The following NELL1 variants were observed in gnomAD, a reference collection of about 807,000 sequenced individuals.
NELL1 encodes the protein neural EGFL like 1.
In NELL1, 76 loss-of-function variants were observed where a neutral mutation model predicts 107.4. The ratio of observed to expected loss-of-function variants is 0.71; its 90% CI spans 0.59 to 0.86. The LOEUF (loss-of-function observed/expected upper bound fraction) is 0.86. Among genes scored for constraint, NELL1 ranks in the 40% least tolerant of loss-of-function variants. The pLI, the probability that NELL1 is intolerant of heterozygous loss-of-function variation, is 0.00. For missense variants in NELL1, 1,024 were observed against 1,005.5 expected, an observed-to-expected ratio of 1.02 and a Z score of -0.25; for synonymous variants, 353 against 341.2, an observed-to-expected ratio of 1.03 and a Z score of -0.38.
chr11:20,840,164 G>A (rs1590340330), intron 3 of NELL1, among the ~76,000 whole-genome samples: 2 of 152,254 alleles, frequency 1.3e-5, no homozygotes, highest in South Asian at 2.1e-4. Context: ...AAAAGAAAAT[G>A]TATAGTTATA....
At chr11:21,349,621 C>G (rs989806185) in intron 14 of NELL1, among the ~76,000 whole-genome samples, 1 of 151,192 alleles carries the variant, frequency 6.6e-6, no homozygotes, top group Non-Finnish European at 1.5e-5. Flanking sequence ...TTTTTTAAAG[C>G]AGTGAATCAG....
At chr11:21,055,973 T>C (rs76433159) in intron 12 of NELL1, among the ~76,000 whole-genome samples, 10,217 of 152,274 alleles carry the variant, frequency 0.067, 655 homozygotes, top group East Asian at 0.16. Flanking sequence ...TCTAGGTCAA[T>C]GTATTACCAA....
intron 2 of NELL1, among the ~76,000 whole-genome samples, chr11:20,704,196 G>T (rs1396424019): frequency 6.6e-6 from 1 of 152,108 alleles, no homozygotes; most frequent in Admixed American, 6.5e-5. Flanking sequence ...TGCTGTATTG[G>T]GTGCATATGT....
intron 2 of NELL1, among the ~76,000 whole-genome samples, chr11:20,705,057 G>A (rs1039870922): frequency 2.6e-5 from 4 of 152,084 alleles, no homozygotes; most frequent in African/African-American, 9.7e-5. Flanking sequence ...CGGGTAGGAA[G>A]AATCAATATC....
chr11:21,193,628 A>G (rs1259540748), intron 13 of NELL1, among the ~76,000 whole-genome samples: 4 of 151,926 alleles, frequency 2.6e-5, no homozygotes, highest in Admixed American at 1.3e-4. Context: ...ATGCTTAGGG[A>G]AGTTTGTGAC....
chr11:21,380,281 G>A (rs1173691302), intron 15 of NELL1, among the ~76,000 whole-genome samples: 2 of 152,014 alleles, frequency 1.3e-5, no homozygotes, highest in Non-Finnish European at 2.9e-5. Flanking sequence ...TCTCTGCATT[G>A]CCCATTTAGT....
chr11:21,317,957 C>A (rs1256275358), intron 14 of NELL1, among the ~76,000 whole-genome samples: 1 of 152,016 alleles, frequency 6.6e-6, no homozygotes, highest in Non-Finnish European at 1.5e-5. Context: ...CTATGTGTTG[C>A]TTGAATTCTA....
rs530491747 is a variant in NELL1 at position 20,760,835 on chromosome 11, G to A, written c.185-22845G>A. 5.8e-4 allele frequency among the ~76,000 whole-genome samples: 88 copies of A among 152,268 alleles called. No homozygotes were observed. In the South Asian group the frequency reaches 0.012, roughly 20 times the overall value. The stretch of plus-strand genomic sequence containing the variant: ...ATGGTGCCTAATCCCATTTGACTGT[G>A]TCTGTTAAAGATTTAAATGCCACTG... On this transcript the variant is annotated intron_variant, in intron 2 of 19. Transcript: ENST00000357134.
chr11:21,475,629 T>C (rs1029685860), intron 15 of NELL1, among the ~76,000 whole-genome samples: 1 of 152,196 alleles, frequency 6.6e-6, no homozygotes, highest in African/African-American at 2.4e-5. Context: ...ATGGGTCATG[T>C]AGAGCAGATT....
chr11:21,022,722 G>A (rs1234326455), intron 12 of NELL1, among the ~76,000 whole-genome samples: 2 of 151,990 alleles, frequency 1.3e-5, no homozygotes, highest in Non-Finnish European at 2.9e-5. Flanking sequence ...TTGTGACCTT[G>A]GCAACATGCC....
intron 12 of NELL1, among the ~76,000 whole-genome samples, chr11:21,070,128 T>TC (rs200496483): frequency 7.2e-6 from 1 of 138,328 alleles, no homozygotes; most frequent in African/African-American, 2.6e-5. Flanking sequence ...TCCAAGGCTG[T>TC]TTTTTTTTTT....
intron 14 of NELL1, among the ~76,000 whole-genome samples, chr11:21,299,449 A>T (rs1409003808): frequency 6.6e-6 from 1 of 151,638 alleles, no homozygotes; most frequent in Non-Finnish European, 1.5e-5. Context: ...GGGAAAAAGT[A>T]GTCCTGATTA....
chr11:21,229,077 T>A (rs1857973601), intron 13 of NELL1, among the ~76,000 whole-genome samples: 1 of 152,122 alleles, frequency 6.6e-6, no homozygotes, highest in African/African-American at 2.4e-5. Flanking sequence ...ACGGCCTTAG[T>A]GCAGCACTTA....
intron 2 of NELL1, among the ~76,000 whole-genome samples, chr11:20,678,920 C>T (rs2133851795): frequency 6.6e-6 from 1 of 152,202 alleles, no homozygotes; most frequent in South Asian, 2.1e-4. Flanking sequence ...TCAACAGATA[C>T]TTAAAAAATG....
chr11:20,812,655 G>A (rs1468742760), intron 3 of NELL1, among the ~76,000 whole-genome samples: 1 of 152,178 alleles, frequency 6.6e-6, no homozygotes, highest in Admixed American at 6.5e-5. Flanking sequence ...TTAATTAAAG[G>A]AGGAGGTCAG....
At chr11:21,352,196 T>C (rs1034018501) in intron 14 of NELL1, among the ~76,000 whole-genome samples, 3 of 152,176 alleles carry the variant, frequency 2.0e-5, no homozygotes, top group African/African-American at 7.2e-5. Flanking sequence ...GTAACCCCTC[T>C]ACCAATATTT....
chr11:20,991,222 C>T (rs1316166631), intron 12 of NELL1, among the ~76,000 whole-genome samples: 2 of 152,186 alleles, frequency 1.3e-5, no homozygotes, highest in Non-Finnish European at 2.9e-5. Context: ...GCCTCTGACA[C>T]CAACATTTCT....
intron 14 of NELL1, among the ~76,000 whole-genome samples, chr11:21,319,941 T>A (rs1037732921): frequency 8.6e-5 from 13 of 151,838 alleles, no homozygotes; most frequent in African/African-American, 3.2e-4. Flanking sequence ...TGCCGGCTTA[T>A]GAAATTCAAC....
At chr11:21,373,701 T>A (rs184677097) in intron 15 of NELL1, among the ~76,000 whole-genome samples, 73 of 152,242 alleles carry the variant, frequency 4.8e-4, no homozygotes, top group African/African-American at 1.7e-3. Context: ...TGCATTTACT[T>A]TCCATTGATG....
Sources: gnomAD v4.1 joint callset for allele counts (sites outside exome capture counted in the v4.1 genomes callset) on GRCh38, gnomAD v4.1.1 for gene constraint, MANE v1.5 for transcripts, NCBI Gene and HGNC (gene_info 2026-07-23, HGNC 2026-07-21) for gene names.